TLE3: variants seen among roughly 807,000 people sequenced by gnomAD.
TLE3 encodes transducin-like enhancer protein 3.
Under a neutral mutation model 93.0 loss-of-function variants are expected in TLE3, and 14 were observed. The ratio of observed to expected loss-of-function variants is 0.15; its 90% CI spans 0.10 to 0.24. TLE3 has a LOEUF of 0.24. Ranked by LOEUF, TLE3 falls within the 10% of genes least tolerant of loss-of-function variation. The pLI is 1.00. For missense variants in TLE3, 693 were observed against 1,046.6 expected (o/e 0.66, Z 4.66); for synonymous variants, 451 against 425.0 (o/e 1.06, Z -0.75).
chr15:70,094,478 C>T (rs758882201), intron 4 of TLE3, 54 bp downstream of exon 4: 51 of 1,334,094 alleles, frequency 3.8e-5, no homozygotes, highest in Non-Finnish European at 5.2e-5. Context: ...AAGAAGTCCA[C>T]ATATATAAGT....
chr15:70,096,636 C>G (rs1395382779), intron 1 of TLE3, 139 bp downstream of exon 1: 1 of 1,548,408 alleles, frequency 6.5e-7, no homozygotes, highest in Non-Finnish European at 8.7e-7. Context: ...CCCCCGGCCG[C>G]ATCCCCCTTT....
chr15:70,076,217 C>T, intron 4 of TLE3, 59 bp from the exon 5 acceptor site: 1 of 1,555,778 alleles, frequency 6.4e-7, no homozygotes. Context: ...ACTGAAATGT[C>T]ATAGGCAAGT....
At chr15:70,053,629 C>G (rs1595861982) in intron 16 of TLE3, 1 of 354,322 alleles carries the variant, frequency 2.8e-6, no homozygotes, top group East Asian at 4.8e-5. Context: ...AAAAAGGGAC[C>G]TTGCACTAGC....
Position 70,058,041 on chromosome 15 carries a change from C to A in TLE3, c.1051+118G>T. The A allele has an allele frequency of 4.0e-6, 6 of 1,490,390 alleles. No individual in the cohort carries two copies. Among genetic ancestry groups the A allele is most frequent in the East Asian group, 4.8e-5 (2 of 41,358 alleles). The allele number at this position is 1,490,390 out of a possible 1,614,324, so 92.3% of individuals were successfully genotyped here. On this transcript the variant is annotated intron_variant, in intron 12 of 19. Coordinates refer to ENST00000451782, the MANE Select transcript of TLE3 (RefSeq NM_001105192.3). The surrounding 1 kb of genome is among the most constrained non-coding windows in gnomAD (Gnocchi z 4.1). ...TGACCGTGAAGTCCCCAGGGGCAGG[C>A]CCTGGGAGACACTGCCTGTGCTCTA...
intron 19 of TLE3, chr15:70,051,050 C>T (rs2055486839): frequency 1.1e-5 from 2 of 177,706 alleles, no homozygotes; most frequent in Non-Finnish European, 2.4e-5. Flanking sequence ...TGCCCAGGTG[C>T]CCAGCGCACC....
chr15:70,067,005 G>A, intron 6 of TLE3: 2 of 225,712 alleles, frequency 8.9e-6, no homozygotes, highest in South Asian at 8.3e-5. Context: ...GCAGCTCATG[G>A]CGCACAGCTA....
chr15:70,064,407 T>C (rs892941021), intron 8 of TLE3, 47 bp downstream of exon 8: 1 of 1,611,418 alleles, frequency 6.2e-7, no homozygotes, highest in African/African-American at 1.3e-5. Context: ...TCCCACCTCC[T>C]CCCAGCACCC....
In TLE3 at chr15:70,097,262, T is replaced by C; in HGVS notation, c.-464A>G. ...GGGCGCGCCGGGGCAGCCCCAAGCATCCGGGGCGCGCGGGTCCGATCCTAG... is the reference window on the plus strand; with the variant it reads ...GGGCGCGCCGGGGCAGCCCCAAGCACCCGGGGCGCGCGGGTCCGATCCTAG... On this transcript the variant is annotated 5_prime_UTR_variant, in exon 1 of 20. An upstream start codon of the reference 5' UTR is lost. Transcript: ENST00000451782. 2.5e-6 allele frequency: 1 copy of C among 399,696 alleles called. No homozygotes were observed. The highest frequency in any genetic ancestry group is 4.4e-6 in the Non-Finnish European group (1 of 227,678). The allele number at this position is 399,696 out of a possible 1,614,324, so 24.8% of individuals were successfully genotyped here.
rs566043243 is a variant in TLE3, at chr15:70,056,333, G to A, written c.1293C>T (p.Leu431=). The A allele has an allele frequency of 4.3e-6, 7 of 1,613,666 alleles. No individual in the cohort carries two copies. The East Asian group carries it at 8.9e-5, about 21-fold the overall frequency. The change falls in exon 14 of 20, where the codon CTC becomes CTT. Residue 431 remains leucine, a synonymous_variant. Transcript: ENST00000451782. ...CAGGAATGGAGGCCAGGCTTGAGGG[G>A]AGGCCTGTGGCCCGCATCGGGGGGT... ...DPHPPMRATG[L]PSSLASIPGG... is the part of the protein sequence containing the mutation.
rs79319783 is a variant in TLE3 at position 70,081,551 on chromosome 15, G to A, written c.235-5393C>T. On this transcript the variant is annotated intron_variant, in intron 4 of 19. Coordinates refer to ENST00000451782, the MANE Select transcript of TLE3 (RefSeq NM_001105192.3). ...GTCAAGCCCCTACTGTGCAGTTTCT[G>A]TGATTCAAAAGGGAAGACTGGTTGG... 0.02 allele frequency among the ~76,000 whole-genome samples: 3,004 copies of A among 152,332 alleles called. 178 individuals carry two copies. In the East Asian group the frequency reaches 0.24, roughly 12 times the overall value.
Position 70,078,855 on chromosome 15 carries a change from G to A in TLE3, c.235-2697C>T, listed in dbSNP as rs142985166. 4.9e-4 allele frequency among the ~76,000 whole-genome samples: 74 copies of A among 152,338 alleles called. No homozygotes were observed. In the East Asian group the frequency reaches 0.014, roughly 28 times the overall value. On this transcript the variant is annotated intron_variant, in intron 4 of 19. Transcript: ENST00000451782. Reference sequence around the variant, plus strand: ...CTCACAGTCTCTGGGAGAGCAGGGAGGCAGGGTGATTATAAAAGGGTTCTG... The same window carrying A: ...CTCACAGTCTCTGGGAGAGCAGGGAAGCAGGGTGATTATAAAAGGGTTCTG...
At chr15:70,050,692 T>C (rs1196806316) in intron 19 of TLE3, 1 of 155,164 alleles carries the variant, frequency 6.4e-6, no homozygotes, top group Non-Finnish European at 1.4e-5. Context: ...ACACCAGACA[T>C]TTCAGCCTGG....
chr15:70,050,068 G>A lies in TLE3; in HGVS notation c.*29C>T, dbSNP rs1215070553. 2 of 1,595,004 alleles carry A rather than the reference G, an allele frequency of 1.3e-6. No individual in the cohort carries two copies. The highest frequency in any genetic ancestry group is 1.7e-6 in the Non-Finnish European group (2 of 1,162,826). On this transcript the variant is annotated 3_prime_UTR_variant, in exon 20 of 20. Coordinates refer to ENST00000451782, the MANE Select transcript of TLE3 (RefSeq NM_001105192.3). ...GTCAGAGCCGAGTCGGTTTCTCCCA[G>A]AGTTTGACAGCCCTGCTGGAGTTCT...
At chr15:70,082,130 C>T (rs1455402293) in intron 4 of TLE3, among the ~76,000 whole-genome samples, 1 of 152,176 alleles carries the variant, frequency 6.6e-6, no homozygotes, top group Non-Finnish European at 1.5e-5. Flanking sequence ...GCCAATCACC[C>T]AGATTCAGAA....
At chr15:70,065,969 G>GGCCCCCCCCGCCCCCCC in intron 7 of TLE3, 45 bp downstream of exon 7, 1 of 1,294,406 alleles carries the variant, frequency 7.7e-7, no homozygotes, top group Non-Finnish European at 1.1e-6. Context: ...GAGCGCCCAT[G>GGCCCCCCCCGCCCCCCC]CCCACCCCTG....
Position 70,054,702 on chromosome 15 carries a change from C to A in TLE3, c.1579-17G>T. The A allele has an allele frequency of 6.4e-7, 1 of 1,564,290 alleles. No individual in the cohort carries two copies. The highest frequency in any genetic ancestry group is 8.7e-7 in the Non-Finnish European group (1 of 1,151,498). On this transcript the variant is annotated splice_polypyrimidine_tract_variant and intron_variant, in intron 15 of 19. Coordinates refer to ENST00000451782, the MANE Select transcript of TLE3 (RefSeq NM_001105192.3). Reference sequence around the variant, plus strand: ...GTCCCTGTTCTGGAGGGAGAAGGGGCAGGGCTGAGTGCTGCCTACTTCCCC... The same window carrying A: ...GTCCCTGTTCTGGAGGGAGAAGGGGAAGGGCTGAGTGCTGCCTACTTCCCC...
Position 70,058,401 on chromosome 15 carries a change from A to C in TLE3, c.919-110T>G. The C allele has an allele frequency of 6.7e-7, 1 of 1,492,216 alleles. No individual in the cohort carries two copies. Among genetic ancestry groups the C allele is most frequent in the Non-Finnish European group, 9.0e-7 (1 of 1,112,272 alleles). The allele number at this position is 1,492,216 out of a possible 1,614,324, so 92.4% of individuals were successfully genotyped here. A position where few individuals can be genotyped will look rare whatever the true frequency, so the allele number is the denominator to read the frequency against. On this transcript the variant is annotated intron_variant, in intron 11 of 19. Coordinates refer to ENST00000451782, the MANE Select transcript of TLE3 (RefSeq NM_001105192.3). This position sits in a 1 kb window ranked among gnomAD's most constrained non-coding sequence, Gnocchi z 4.1. ...TGAAGCCCAGAGCCAGACCCTTATG[A>C]AGCTTCTGCCGAACAGCCTCTCAAT...
rs748451849 is a variant in TLE3 at position 70,058,640 on chromosome 15, C to T, written c.918+23G>A. 3 of 1,564,668 alleles carry T rather than the reference C, an allele frequency of 1.9e-6. No homozygotes were observed. Among genetic ancestry groups the T allele is most frequent in the Non-Finnish European group, 2.6e-6 (3 of 1,154,136 alleles). ...AGTCCCTGCCGCTCCCTTCCCACTCCCTTCCACCCAGACCCCACATACATG... is the reference window on the plus strand; with the variant it reads ...AGTCCCTGCCGCTCCCTTCCCACTCTCTTCCACCCAGACCCCACATACATG... On this transcript the variant is annotated intron_variant, in intron 11 of 19. Transcript: ENST00000451782. This position sits in a 1 kb window ranked among gnomAD's most constrained non-coding sequence, Gnocchi z 4.1.
rs563394694 is a variant in TLE3, at chr15:70,078,630, G to A, written c.235-2472C>T. 8.5e-5 allele frequency among the ~76,000 whole-genome samples: 13 copies of A among 152,370 alleles called. No individual in the cohort carries two copies. The East Asian group carries it at 2.3e-3, about 27-fold the overall frequency. Reference sequence around the variant, plus strand: ...ATGGGCAGCATCTGTGGGAGGGGCCGTGGTGGATGGAGTGTTGACATACAC... The same window carrying A: ...ATGGGCAGCATCTGTGGGAGGGGCCATGGTGGATGGAGTGTTGACATACAC... On this transcript the variant is annotated intron_variant, in intron 4 of 19. Transcript: ENST00000451782.
Sources: allele counts gnomAD v4.1 joint callset (sites outside exome capture counted in the v4.1 genomes callset), GRCh38; gene constraint gnomAD v4.1.1; non-coding constraint Gnocchi (gnomAD v3.1); transcripts MANE v1.5; gene names NCBI Gene and HGNC (gene_info 2026-07-23, HGNC 2026-07-21).